The following PIGU variants were observed in gnomAD, a reference collection of about 807,000 sequenced individuals.
PIGU encodes phosphatidylinositol glycan anchor biosynthesis class U.
Under a neutral mutation model 49.9 loss-of-function variants are expected in PIGU, and 24 were observed. The observed-to-expected ratio is 0.48, with a 90% CI of 0.35 to 0.68. PIGU has a LOEUF of 0.68. Among genes scored for constraint, PIGU ranks in the 30% least tolerant of loss-of-function variants. The probability of loss-of-function intolerance (pLI) is 0.01; values close to 1 mark genes in which losing one functional copy is unlikely to be tolerated. For synonymous variants in PIGU, 220 were observed against 205.7 expected, an observed-to-expected ratio of 1.07 and a Z score of -0.59; for missense variants, 490 against 532.6, an observed-to-expected ratio of 0.92 and a Z score of 0.79.
At chr20:34,614,540 G>T (rs780555875) in intron 7 of PIGU, among the ~76,000 whole-genome samples, 1 of 151,040 alleles carries the variant, frequency 6.6e-6, no homozygotes, top group African/African-American at 2.4e-5. Flanking sequence ...TGAGACGATC[G>T]ATTGAGCCTG....
At chr20:34,645,488 G>A (rs1986314382) in intron 2 of PIGU, among the ~76,000 whole-genome samples, 154 bp from the exon 3 acceptor site, 1 of 152,204 alleles carries the variant, frequency 6.6e-6, no homozygotes, top group Admixed American at 6.5e-5. Context: ...GCTGGCCGGT[G>A]TGCTTATAGG....
intron 7 of PIGU, among the ~76,000 whole-genome samples, chr20:34,599,524 G>T (rs1315153314): frequency 6.6e-6 from 1 of 152,168 alleles, no homozygotes; most frequent in Non-Finnish European, 1.5e-5. Context: ...AAACTATAGA[G>T]AGTGCTGCAC....
At chr20:34,669,698 C>G (rs911882909) in intron 1 of PIGU, among the ~76,000 whole-genome samples, 3 of 145,518 alleles carry the variant, frequency 2.1e-5, no homozygotes, top group African/African-American at 7.5e-5. Flanking sequence ...AAACAAAAAA[C>G]AGTGGTATCT....
At chr20:34,633,458 G>A (rs918800688) in intron 6 of PIGU, among the ~76,000 whole-genome samples, 41 of 151,906 alleles carry the variant, frequency 2.7e-4, no homozygotes, top group African/African-American at 8.0e-4. Context: ...GTGAGACCCC[G>A]TCTCAAAAAC....
intron 1 of PIGU, among the ~76,000 whole-genome samples, 195 bp from the exon 2 acceptor site, chr20:34,657,439 T>C (rs1167575499): frequency 6.6e-6 from 1 of 152,246 alleles, no homozygotes; most frequent in Non-Finnish European, 1.5e-5. Context: ...TTTTTCATTG[T>C]GGGCAGCACT....
intron 10 of PIGU, among the ~76,000 whole-genome samples, chr20:34,580,853 A>G (rs894819350): frequency 7.2e-5 from 11 of 152,154 alleles, no homozygotes; most frequent in South Asian, 2.1e-4. Context: ...GGTCACCACT[A>G]AGCCACCTCT....
At position 34,658,142 on chromosome 20, in the gene PIGU, G is replaced by A. The variant is rs1050527282; in HGVS notation, c.131-898C>T. 8.5e-5 allele frequency among the ~76,000 whole-genome samples: 13 copies of A among 152,364 alleles called. No homozygotes were observed. The East Asian group carries it at 2.3e-3, about 27-fold the overall frequency. ...CCAGTGCCTGCGATTGCAGGCGCGC[G>A]CCGCCACGCCTGACTGGTTTTCGTA... is the stretch of plus-strand genomic sequence containing the variant. On this transcript the variant is annotated intron_variant, in intron 1 of 11. Transcript: ENST00000217446.
At chr20:34,637,808 T>C (rs7344166) in intron 5 of PIGU, 68 bp downstream of exon 5, 40 of 1,587,126 alleles carry the variant, frequency 2.5e-5, no homozygotes, top group Non-Finnish European at 3.3e-5. Context: ...ACAAACAACA[T>C]GGGAAAGTCT....
Position 34,677,023 on chromosome 20 carries a change from G to A in PIGU, c.63C>T (p.Arg21=). The A allele has an allele frequency of 6.3e-7, 1 of 1,582,132 alleles. No homozygotes were observed. The highest frequency in any genetic ancestry group is 8.6e-7 in the Non-Finnish European group (1 of 1,164,702). Residue 21 remains arginine (R), a synonymous_variant, in exon 1 of 12, where the codon CGC becomes CGT. Transcript: ENST00000217446. ...VAVTVRAALF[R]SSLAEFISER... ...CGGAAATGAACTCGGCCAGACTGGA[G>A]CGGAACAAGGCCGCCCGCACTGTCA...
intron 2 of PIGU, among the ~76,000 whole-genome samples, chr20:34,648,655 C>A (rs1425271887): frequency 6.6e-6 from 1 of 151,796 alleles, no homozygotes; most frequent in Non-Finnish European, 1.5e-5. Context: ...CTCAGGTGAC[C>A]CCCCTACCTT....
At chr20:34,601,316 C>T (rs1984416358) in intron 7 of PIGU, among the ~76,000 whole-genome samples, 1 of 152,000 alleles carries the variant, frequency 6.6e-6, no homozygotes, top group Admixed American at 6.6e-5. Context: ...GAACAGGGCC[C>T]TAAAACGATA....
intron 11 of PIGU, among the ~76,000 whole-genome samples, chr20:34,562,853 G>A (rs1045771697): frequency 1.3e-5 from 2 of 152,200 alleles, no homozygotes; most frequent in Non-Finnish European, 2.9e-5. Context: ...CTCATACCCT[G>A]CAGCCCTTTC....
chr20:34,596,723 C>T (rs994926841), intron 7 of PIGU, among the ~76,000 whole-genome samples: 1 of 152,138 alleles, frequency 6.6e-6, no homozygotes, highest in East Asian at 1.9e-4. Context: ...TTAAATCAAG[C>T]TTGTTATTGT....
intron 1 of PIGU, among the ~76,000 whole-genome samples, chr20:34,674,119 G>A (rs570899593): frequency 6.6e-6 from 1 of 151,630 alleles, no homozygotes; most frequent in East Asian, 2.0e-4. Flanking sequence ...ACTTTCACAG[G>A]TCAAGGCGGG....
intron 11 of PIGU, among the ~76,000 whole-genome samples, chr20:34,569,713 T>C (rs1427257951): frequency 6.6e-6 from 1 of 152,122 alleles, no homozygotes; most frequent in East Asian, 1.9e-4. Flanking sequence ...AAAACAGGGA[T>C]TGGCACGGGG....
At chr20:34,664,345 C>A (rs1987021397) in intron 1 of PIGU, among the ~76,000 whole-genome samples, 1 of 152,108 alleles carries the variant, frequency 6.6e-6, no homozygotes, top group Admixed American at 6.6e-5. Flanking sequence ...TAGAAACGGG[C>A]TCTTGCTATA....
chr20:34,604,419 A>G (rs891981785), intron 7 of PIGU, among the ~76,000 whole-genome samples: 1 of 152,214 alleles, frequency 6.6e-6, no homozygotes, highest in Non-Finnish European at 1.5e-5. Flanking sequence ...ATGTTTTTAC[A>G]TGTAAGTTCT....
Position 34,585,840 on chromosome 20 carries a change from G to C in PIGU, c.783-260C>G, listed in dbSNP as rs1309136691. ...TGAAATGAGGCAGGGATTCATCCTA[G>C]GAATAAAGAGACTCACCCCTGTTTT... On this transcript the variant is annotated intron_variant, in intron 8 of 11. Coordinates refer to ENST00000217446, the MANE Select transcript of PIGU (RefSeq NM_080476.5). 3.3e-5 allele frequency among the ~76,000 whole-genome samples: 5 copies of C among 152,166 alleles called. No homozygotes were observed. In the East Asian group the frequency reaches 9.6e-4, roughly 29 times the overall value.
At chr20:34,630,408 C>A (rs1401089712) in intron 6 of PIGU, among the ~76,000 whole-genome samples, 2 of 152,118 alleles carry the variant, frequency 1.3e-5, no homozygotes, top group African/African-American at 4.8e-5. Context: ...GCACCCTCCA[C>A]CCCACAAAAA....
Sources: allele counts gnomAD v4.1 joint callset (sites outside exome capture counted in the v4.1 genomes callset), GRCh38; gene constraint gnomAD v4.1.1; transcripts MANE v1.5; gene names NCBI Gene and HGNC (gene_info 2026-07-23, HGNC 2026-07-21).